Variants in RASGEF1C observed in about 807,000 individuals in gnomAD.
The protein encoded by RASGEF1C is ras-GEF domain-containing family member 1C.
Under a neutral mutation model 58.1 loss-of-function variants are expected in RASGEF1C, and 27 were observed. The ratio of observed to expected loss-of-function variants is 0.46; its 90% CI spans 0.34 to 0.64. RASGEF1C has a LOEUF of 0.64. RASGEF1C is among the 30% of genes least tolerant of loss of function. The pLI, the probability that RASGEF1C is intolerant of heterozygous loss-of-function variation, is 0.01. For synonymous variants in RASGEF1C, 243 were observed against 246.3 expected (o/e 0.99, Z 0.13); for missense variants, 502 against 605.1 (o/e 0.83, Z 1.79).
At chr5:180,202,152 C>G (rs1756405698) in intron 1 of RASGEF1C, among the ~76,000 whole-genome samples, 1 of 152,012 alleles carries the variant, frequency 6.6e-6, no homozygotes, top group Non-Finnish European at 1.5e-5. Context: ...TAGAAAATCT[C>G]TTAGGGAGAA....
At position 180,137,691 on chromosome 5, in the gene RASGEF1C, G is replaced by A. The variant is rs144288425; in HGVS notation, c.199C>T (p.Leu67=). The change falls in exon 3 of 14, where the codon CTG becomes TTG. Residue 67 remains leucine, a synonymous_variant. Coordinates refer to ENST00000361132, the MANE Select transcript of RASGEF1C (RefSeq NM_175062.4). The surrounding 1 kb of genome is among the most constrained non-coding windows in gnomAD (Gnocchi z 4.1). ...YPEKAYIFTF[L]LSSRLFIEPR... The stretch of plus-strand genomic sequence containing the variant: ...TCGATGAAGAGGCGAGAGCTCAGCA[G>A]GAAGGTGAAGATGTAGGCTTTCTGG... The A allele has an allele frequency of 3.1e-6, 5 of 1,612,918 alleles. No homozygotes were observed. Among genetic ancestry groups the A allele is most frequent in the Non-Finnish European group, 4.2e-6 (5 of 1,180,032 alleles).
chr5:180,107,728 C>T (rs1765894114), intron 12 of RASGEF1C, among the ~76,000 whole-genome samples: 2 of 152,192 alleles, frequency 1.3e-5, no homozygotes, highest in Non-Finnish European at 2.9e-5. Flanking sequence ...TGTGCCTCAG[C>T]CACCCAAGTA....
chr5:180,190,505 AAAAT>A (rs1322576867), intron 1 of RASGEF1C, among the ~76,000 whole-genome samples: 3,416 of 99,362 alleles, frequency 0.034, 39 homozygotes, highest in South Asian at 0.044. Context: ...AAAAAAAAAA[AAAAT>A]AATAATAATA....
chr5:180,176,934 G>A (rs530539020), intron 1 of RASGEF1C, among the ~76,000 whole-genome samples: 14 of 152,288 alleles, frequency 9.2e-5, no homozygotes, highest in East Asian at 3.9e-4. Context: ...GGTGCCAGCC[G>A]TCAGGGTTGG....
rs980132615 is a variant in RASGEF1C, at chr5:180,101,129, G to A, written c.*372C>T. 3.2e-5 allele frequency: 8 copies of A among 251,986 alleles called. No homozygotes were observed. The allele number at this position is 251,986 out of a possible 1,614,324, so 15.6% of individuals were successfully genotyped here. On this transcript the variant is annotated 3_prime_UTR_variant, in exon 14 of 14. Transcript: ENST00000361132. Reference sequence around the variant, plus strand: ...GCCACGTGGTGACAGACTGTGGGTGGTGGCCAAAGTGGCACATGTCACCAA... The same window carrying A: ...GCCACGTGGTGACAGACTGTGGGTGATGGCCAAAGTGGCACATGTCACCAA...
intron 1 of RASGEF1C, among the ~76,000 whole-genome samples, chr5:180,190,433 T>C (rs1756136763): frequency 7.6e-6 from 1 of 130,794 alleles, no homozygotes; most frequent in African/African-American, 2.7e-5. Flanking sequence ...GAGCTTGCAG[T>C]GAGCTGAGAT....
intron 1 of RASGEF1C, among the ~76,000 whole-genome samples, chr5:180,190,446 C>A (rs377473759): frequency 0.29 from 39,201 of 135,422 alleles, 6,882 homozygotes; most frequent in African/African-American, 0.32. Flanking sequence ...GCTGAGATCG[C>A]GCCACTGCAC....
At chr5:180,145,876 T>C (rs1766654711) in intron 1 of RASGEF1C, among the ~76,000 whole-genome samples, 1 of 152,228 alleles carries the variant, frequency 6.6e-6, no homozygotes, top group African/African-American at 2.4e-5. Context: ...CTTTTACCCA[T>C]TTTTGAATTG....
At chr5:180,153,346 A>G (rs1007126391) in intron 1 of RASGEF1C, among the ~76,000 whole-genome samples, 19 of 152,220 alleles carry the variant, frequency 1.2e-4, no homozygotes, top group African/African-American at 4.3e-4. Flanking sequence ...ACACATGCAC[A>G]GCCTGCCATG....
At chr5:180,196,257 T>C (rs1443013160) in intron 1 of RASGEF1C, among the ~76,000 whole-genome samples, 1 of 152,146 alleles carries the variant, frequency 6.6e-6, no homozygotes, top group Non-Finnish European at 1.5e-5. Context: ...CCCGGCACTT[T>C]GGGAGGCCAA....
chr5:180,113,783 G>GGGATGGACGGAGGGACCGA (rs1766015640), intron 11 of RASGEF1C, among the ~76,000 whole-genome samples: 4 of 150,708 alleles, frequency 2.7e-5, no homozygotes, highest in South Asian at 2.1e-4. Flanking sequence ...GGAGGGATTG[G>GGGATGGACGGAGGGACCGA]GGATGGATGG....
In RASGEF1C at chr5:180,197,813, T is replaced by C. The variant is rs1398767727; in HGVS notation, c.-7+11215A>G. Among the ~76,000 whole-genome samples the C allele has an allele frequency of 5.9e-5, 9 of 152,226 alleles. No individual in the cohort carries two copies. Among genetic ancestry groups the C allele is most frequent in the Admixed American group, 2.6e-4 (4 of 15,282 alleles). On this transcript the variant is annotated intron_variant, in intron 1 of 13. Coordinates refer to ENST00000361132, the MANE Select transcript of RASGEF1C (RefSeq NM_175062.4). This position sits in a 1 kb window ranked among gnomAD's most constrained non-coding sequence, Gnocchi z 4.7. The stretch of plus-strand genomic sequence containing the variant: ...GCACTTTTGAACACTGTCTGGATTT[T>C]AAAACAAACAACTAAACAACTTCCT...
intron 1 of RASGEF1C, among the ~76,000 whole-genome samples, chr5:180,189,693 A>C (rs868465346): frequency 8.5e-5 from 13 of 152,134 alleles, no homozygotes; most frequent in Non-Finnish European, 1.9e-4. Context: ...AGGCCAAGGC[A>C]GGTGGATCAC....
intron 1 of RASGEF1C, among the ~76,000 whole-genome samples, chr5:180,166,687 T>G (rs1279573167): frequency 6.6e-6 from 1 of 152,040 alleles, no homozygotes; most frequent in Non-Finnish European, 1.5e-5. Context: ...AGCTAATTTT[T>G]GTAGTTTTAG....
chr5:180,159,558 T>C (rs1401179546), intron 1 of RASGEF1C, among the ~76,000 whole-genome samples: 3 of 152,242 alleles, frequency 2.0e-5, no homozygotes, highest in Admixed American at 6.5e-5. Context: ...TCCACTCAGA[T>C]GTCTGGGACT....
Position 180,187,835 on chromosome 5 carries a change from A to G in RASGEF1C, c.-7+21193T>C, listed in dbSNP as rs80120804. ...CCCGCTAGGATGGCCATAATCAACA[A>G]AACAGAAAGTGATAAGTGTTGACAA... On this transcript the variant is annotated intron_variant, in intron 1 of 13. Coordinates refer to ENST00000361132, the MANE Select transcript of RASGEF1C (RefSeq NM_175062.4). Among the ~76,000 whole-genome samples the G allele has an allele frequency of 8.7e-3, 1,326 of 152,340 alleles. 11 individuals carry two copies. The highest frequency in any genetic ancestry group is 0.013 in the Non-Finnish European group (863 of 68,038).
chr5:180,191,940 C>G (rs1756171496), intron 1 of RASGEF1C, among the ~76,000 whole-genome samples: 1 of 152,156 alleles, frequency 6.6e-6, no homozygotes, highest in Non-Finnish European at 1.5e-5. Context: ...TGGTTGTTGG[C>G]AGCATTCGTT....
chr5:180,193,482 A>G (rs960000843), intron 1 of RASGEF1C, among the ~76,000 whole-genome samples: 5 of 152,088 alleles, frequency 3.3e-5, no homozygotes, highest in Admixed American at 6.6e-5. Flanking sequence ...CCCTGGGGGG[A>G]AAGTCAGGGA....
chr5:180,133,311 G>A (rs1198568903), intron 4 of RASGEF1C, among the ~76,000 whole-genome samples: 1 of 152,204 alleles, frequency 6.6e-6, no homozygotes, highest in Non-Finnish European at 1.5e-5. Context: ...GCCGAGAGCT[G>A]GTGTGGAGCA....
Sources: gnomAD v4.1 joint callset for allele counts (sites outside exome capture counted in the v4.1 genomes callset) on GRCh38, gnomAD v4.1.1 for gene constraint, Gnocchi (gnomAD v3.1) non-coding constraint, MANE v1.5 for transcripts, NCBI Gene and HGNC (gene_info 2026-07-23, HGNC 2026-07-21) for gene names.